The following CARS2 variants were observed in gnomAD, a reference collection of about 807,000 sequenced individuals.
The protein encoded by CARS2 is cysteinyl-tRNA synthetase 2, mitochondrial, also known as probable cysteine--tRNA ligase, mitochondrial.
A neutral mutation model predicts 68.8 loss-of-function variants in CARS2; 52 were observed. The observed-to-expected ratio is 0.76, with a 90% CI of 0.61 to 0.95. The LOEUF is 0.95. Ranked by LOEUF, CARS2 falls within the 40% of genes least tolerant of loss-of-function variation. CARS2 has a pLI of 0.00. For synonymous variants in CARS2, 314 were observed against 303.6 expected (o/e 1.03, Z -0.36); for missense variants, 780 against 754.2 (o/e 1.03, Z -0.40).
rs746765274 is a variant in CARS2 at position 110,642,664 on chromosome 13, C to T, written c.1417-143G>A. 4 of 848,376 alleles carry T rather than the reference C, an allele frequency of 4.7e-6. No homozygotes were observed. In the Admixed American group the frequency reaches 6.8e-5, roughly 14 times the overall value. The allele number at this position is 848,376 out of a possible 1,614,324, so 52.6% of individuals were successfully genotyped here. A position where few individuals can be genotyped will look rare whatever the true frequency, so the allele number is the denominator to read the frequency against. ...CCTGCAGCTGGGCCTCTTTCTGGGT[C>T]TGGCAGGGATGGGTACAGCCCGCGA... On this transcript the variant is annotated intron_variant, in intron 13 of 14. Coordinates refer to ENST00000257347, the MANE Select transcript of CARS2 (RefSeq NM_024537.4).
rs2139684399 is a variant in CARS2, at chr13:110,647,248, GAA to G, written c.1055-11_1055-10del. ...GTCACTGTAGTCGATGGCTGAGGAG[GAA>G]GAGATGGTCACTGAGGCGGTGCCCA... On this transcript the variant is annotated splice_polypyrimidine_tract_variant and intron_variant, in intron 10 of 14. Coordinates refer to ENST00000257347, the MANE Select transcript of CARS2 (RefSeq NM_024537.4). 1.2e-6 allele frequency: 2 copies of G among 1,610,842 alleles called. No individual in the cohort carries two copies. Among genetic ancestry groups the G allele is most frequent in the Non-Finnish European group, 1.7e-6 (2 of 1,178,264 alleles).
chr13:110,651,340 C>T (rs1189322542), intron 9 of CARS2: 2 of 492,784 alleles, frequency 4.1e-6, no homozygotes, highest in Admixed American at 7.6e-5. Flanking sequence ...AGCCGGTTTG[C>T]ACTGAAAATC....
upstream of CARS2, among the ~76,000 whole-genome samples, chr13:110,711,045 C>T (rs2064022615): frequency 6.6e-6 from 1 of 151,942 alleles, no homozygotes; most frequent in Admixed American, 6.6e-5. Context: ...CATTCTAGAG[C>T]CAATGAATGC....
intron 3 of CARS2, among the ~76,000 whole-genome samples, chr13:110,690,499 T>C (rs1476093140): frequency 6.6e-6 from 1 of 152,202 alleles, no homozygotes; most frequent in Non-Finnish European, 1.5e-5. Context: ...GCACACAGAA[T>C]CCTGGGGGTC....
intron 12 of CARS2, 139 bp from the exon 13 acceptor site, chr13:110,644,622 A>G: frequency 1.4e-6 from 2 of 1,441,404 alleles, no homozygotes. Flanking sequence ...GAGGGAGGAC[A>G]CAGCTCTGGC....
intron 6 of CARS2, among the ~76,000 whole-genome samples, chr13:110,678,292 G>T (rs2063030488): frequency 6.6e-6 from 1 of 152,200 alleles, no homozygotes; most frequent in African/African-American, 2.4e-5. Flanking sequence ...AGGTAACGCG[G>T]CTTATGGACC....
intron 6 of CARS2, among the ~76,000 whole-genome samples, chr13:110,681,831 C>A (rs184584035): frequency 1.3e-5 from 2 of 152,254 alleles, no homozygotes; most frequent in East Asian, 3.9e-4. Flanking sequence ...GAGAAGGGTG[C>A]ACAGTGTATG....
At chr13:110,673,733 G>T (rs940046215) in intron 7 of CARS2, among the ~76,000 whole-genome samples, 4 of 152,002 alleles carry the variant, frequency 2.6e-5, no homozygotes, top group African/African-American at 9.7e-5. Context: ...GCAGGAGAAA[G>T]AAATAAAGGG....
intron 11 of CARS2, 112 bp downstream of exon 11, chr13:110,646,989 C>T (rs1482452281): frequency 1.5e-6 from 2 of 1,312,172 alleles, no homozygotes; most frequent in African/African-American, 3.0e-5. Context: ...CCCCAAACCT[C>T]CTGTCCAGCG....
At chr13:110,642,688 G>A (rs546257922) in intron 13 of CARS2, 167 bp from the exon 14 acceptor site, 33 of 779,880 alleles carry the variant, frequency 4.2e-5, no homozygotes, top group Admixed American at 1.2e-4. Context: ...TACAGCCCGC[G>A]AGCGCTGGGC....
rs727505361 is a variant in CARS2, at chr13:110,683,051, C to T, written c.655G>A (p.Ala219Thr). Residue 219 changes from alanine to threonine, a missense_variant and splice_region_variant, in exon 6 of 15, where the codon GCG becomes ACG. Transcript: ENST00000257347. ...GVVPGPVGEP[A>T]DSDKRHASDF... is the part of the protein sequence containing the mutation. The stretch of plus-strand genomic sequence containing the variant: ...ACAGGGCTGAGCCCGGCCAACCCAC[C>T]TGGCTCTCCGACTGGACCAGGGACC... 1.4e-5 allele frequency: 23 copies of T among 1,598,120 alleles called. No homozygotes were observed. Among genetic ancestry groups the T allele is most frequent in the Middle Eastern group, 2.1e-4 (1 of 4,656 alleles).
At chr13:110,686,007 A>AAAG (rs10663939) in intron 5 of CARS2, among the ~76,000 whole-genome samples, 3 of 136,730 alleles carry the variant, frequency 2.2e-5, no homozygotes, top group Non-Finnish European at 4.5e-5. Context: ...AAAAAAAAAA[A>AAAG]GAGAAAAAAA....
chr13:110,642,731 TGTC>T (rs1250706778), intron 13 of CARS2: 10 of 755,644 alleles, frequency 1.3e-5, no homozygotes, highest in African/African-American at 5.1e-5. Context: ...TCTGAGCATC[TGTC>T]GTCCAAGCAA....
intron 1 of CARS2, chr13:110,712,991 G>T: frequency 6.5e-7 from 1 of 1,548,612 alleles, no homozygotes; most frequent in Non-Finnish European, 8.7e-7. Context: ...GGTCTCCCGC[G>T]CACTCTGCGG....
At chr13:110,700,349 A>G (rs889027001) in intron 3 of CARS2, among the ~76,000 whole-genome samples, 1 of 152,208 alleles carries the variant, frequency 6.6e-6, no homozygotes, top group African/African-American at 2.4e-5. Flanking sequence ...CATGTCACCC[A>G]CACCAGCGCA....
intron 2 of CARS2, 81 bp from the exon 3 acceptor site, chr13:110,701,636 A>T: frequency 4.0e-6 from 3 of 758,890 alleles, no homozygotes. Flanking sequence ...ACATTTTAAC[A>T]TGCTGCTCCA....
intron 13 of CARS2, chr13:110,642,956 A>AG (rs1887598645): frequency 2.7e-6 from 1 of 376,502 alleles, no homozygotes; most frequent in Admixed American, 3.5e-5. Flanking sequence ...TCAGGTGCTG[A>AG]GGACGGGATT....
At chr13:110,706,973 C>T (rs1345650281), upstream of CARS2, among the ~76,000 whole-genome samples, 1 of 151,254 alleles carries the variant, frequency 6.6e-6, no homozygotes, top group African/African-American at 2.4e-5. Flanking sequence ...CATCCCAATA[C>T]AGTGTGCACT....
intron 5 of CARS2, among the ~76,000 whole-genome samples, chr13:110,686,979 G>A (rs971481458): frequency 5.3e-5 from 8 of 152,222 alleles, no homozygotes; most frequent in Non-Finnish European, 8.8e-5. Flanking sequence ...CAACTCACTC[G>A]TAATGGCCTG....
Sources: gnomAD v4.1 joint callset for allele counts (sites outside exome capture counted in the v4.1 genomes callset) on GRCh38, gnomAD v4.1.1 for gene constraint, MANE v1.5 for transcripts, NCBI Gene and HGNC (gene_info 2026-07-23, HGNC 2026-07-21) for gene names.